RBFOX1: variants seen among roughly 807,000 people sequenced by gnomAD.
RBFOX1 encodes the protein RNA binding protein fox-1 homolog 1.
Under a neutral mutation model 57.7 loss-of-function variants are expected in RBFOX1, and 8 were observed. The ratio of observed to expected loss-of-function variants is 0.14; its 90% CI spans 0.08 to 0.25. The LOEUF (loss-of-function observed/expected upper bound fraction) is 0.25, where lower values mean the gene tolerates loss of function less well. RBFOX1 is among the 10% of genes least tolerant of loss of function. RBFOX1 has a pLI of 1.00. For missense variants in RBFOX1, 611 were observed against 548.5 expected, an observed-to-expected ratio of 1.11 and a Z score of -1.14; for synonymous variants, 326 against 222.4, an observed-to-expected ratio of 1.47 and a Z score of -4.15.
intron 3 of RBFOX1, among the ~76,000 whole-genome samples, chr16:6,997,957 G>A (rs1351183): frequency 1.4e-4 from 21 of 151,830 alleles, no homozygotes; most frequent in African/African-American, 4.6e-4. Context: ...ATTATATTTC[G>A]TAATCATTTA....
At chr16:5,903,233 C>A (rs1193044700) in intron 4 of RBFOX1, among the ~76,000 whole-genome samples, 2 of 152,150 alleles carry the variant, frequency 1.3e-5, no homozygotes, top group Non-Finnish European at 2.9e-5. Context: ...TAACACCTGC[C>A]ATAATATTCT....
chr16:7,058,578 G>T (rs1029339449), intron 4 of RBFOX1, among the ~76,000 whole-genome samples: 1 of 152,126 alleles, frequency 6.6e-6, no homozygotes, highest in African/African-American at 2.4e-5. Context: ...AAGTTTGTGT[G>T]TGTGTGTGTG....
At chr16:5,472,459 C>T (rs1296329751) in intron 2 of RBFOX1, among the ~76,000 whole-genome samples, 1 of 152,188 alleles carries the variant, frequency 6.6e-6, no homozygotes, top group African/African-American at 2.4e-5. Context: ...GGTCTCCCGG[C>T]TCAGCACAGA....
At chr16:5,393,766 G>A (rs77023514) in intron 1 of RBFOX1, among the ~76,000 whole-genome samples, 408 of 152,182 alleles carry the variant, frequency 2.7e-3, no homozygotes, top group Middle Eastern at 0.017. Context: ...CAGTTCATTG[G>A]CTATAAGTCT....
intron 4 of RBFOX1, among the ~76,000 whole-genome samples, chr16:7,434,435 G>A (rs2098706290): frequency 6.6e-6 from 1 of 151,882 alleles, no homozygotes; most frequent in African/African-American, 2.4e-5. Flanking sequence ...TAGCACCACT[G>A]CACTCCAGCC....
At chr16:7,441,959 C>T (rs1378699840) in intron 4 of RBFOX1, among the ~76,000 whole-genome samples, 6 of 152,208 alleles carry the variant, frequency 3.9e-5, no homozygotes, top group African/African-American at 9.7e-5. Context: ...TGGGGCTGCC[C>T]GTTCTTTGCT....
At chr16:6,640,735 A>G (rs2098480771) in intron 2 of RBFOX1, among the ~76,000 whole-genome samples, 2 of 152,278 alleles carry the variant, frequency 1.3e-5, no homozygotes, top group South Asian at 4.1e-4. Flanking sequence ...AAGGAATAAA[A>G]AAACTCCTTC....
intron 4 of RBFOX1, among the ~76,000 whole-genome samples, chr16:5,992,024 C>T (rs1353406805): frequency 1.3e-5 from 2 of 152,024 alleles, no homozygotes; most frequent in African/African-American, 4.8e-5. Flanking sequence ...TGTAAAAATG[C>T]ATATACATTT....
At chr16:5,707,034 C>T (rs2051276637) in intron 3 of RBFOX1, among the ~76,000 whole-genome samples, 1 of 152,164 alleles carries the variant, frequency 6.6e-6, no homozygotes, top group Non-Finnish European at 1.5e-5. Flanking sequence ...TCTCTCTCCA[C>T]CTCCAGCAGA....
At chr16:7,169,001 T>A (rs2152440806) in intron 4 of RBFOX1, among the ~76,000 whole-genome samples, 1 of 152,310 alleles carries the variant, frequency 6.6e-6, no homozygotes, top group African/African-American at 2.4e-5. Context: ...AGCAATAAAC[T>A]ATAGCACAGA....
At chr16:7,169,705 T>G (rs1294617048) in intron 4 of RBFOX1, among the ~76,000 whole-genome samples, 1 of 152,210 alleles carries the variant, frequency 6.6e-6, no homozygotes, top group Non-Finnish European at 1.5e-5. Context: ...CAAGACTATT[T>G]TGTTGCATAT....
chr16:6,867,280 G>T (rs1487489036), intron 3 of RBFOX1, among the ~76,000 whole-genome samples: 1 of 152,064 alleles, frequency 6.6e-6, no homozygotes, highest in Non-Finnish European at 1.5e-5. Context: ...AGCATGGATG[G>T]AGGAGAGATC....
At position 7,567,521 on chromosome 16, in the gene RBFOX1, ATATCCCTATGTATGGCCCTATATG is replaced by A. The variant is rs1181072365; in HGVS notation, c.271-12252_271-12229del. Among the ~76,000 whole-genome samples, 197 of 122,378 alleles carry A rather than the reference ATATCCCTATGTATGGCCCTATATG, an allele frequency of 1.6e-3. 9 individuals carry two copies. The highest frequency in any genetic ancestry group is 9.1e-3 in the Middle Eastern group (1 of 110). The allele number at this position is 122,378 out of a possible 152,430, so 80.3% of individuals were successfully genotyped here. On this transcript the variant is annotated intron_variant, in intron 5 of 15. Transcript: ENST00000550418. ...TATCCCTATGTATGGCCCTATATAT[ATATCCCTATGTATGGCCCTATATG>A]TATATCCCTATATATGGCCCTATAT...
At chr16:7,073,188 T>C (rs1391257839) in intron 4 of RBFOX1, among the ~76,000 whole-genome samples, 2 of 152,214 alleles carry the variant, frequency 1.3e-5, no homozygotes, top group Non-Finnish European at 2.9e-5. Context: ...GCTGTCTTTG[T>C]AGTCTGTGAT....
chr16:7,099,086 A>G (rs1452188840), intron 4 of RBFOX1, among the ~76,000 whole-genome samples: 5 of 152,204 alleles, frequency 3.3e-5, no homozygotes, highest in African/African-American at 9.7e-5. Flanking sequence ...AGTTATGGTG[A>G]AAGTTTATAT....
chr16:6,286,379 G>A (rs538558679), intron 1 of RBFOX1, among the ~76,000 whole-genome samples: 1 of 152,284 alleles, frequency 6.6e-6, no homozygotes, highest in South Asian at 2.1e-4. Flanking sequence ...TAAAATCACA[G>A]ATCTTGGCAT....
At chr16:6,694,138 T>G (rs1046661867) in intron 3 of RBFOX1, among the ~76,000 whole-genome samples, 1 of 152,244 alleles carries the variant, frequency 6.6e-6, no homozygotes. Context: ...TTTAACCTCA[T>G]CATGACTCTG....
intron 3 of RBFOX1, among the ~76,000 whole-genome samples, chr16:6,743,057 C>A (rs935220565): frequency 1.3e-5 from 2 of 152,036 alleles, no homozygotes; most frequent in African/African-American, 2.4e-5. Flanking sequence ...GATAGGGAAA[C>A]AATACTTCTC....
At chr16:6,656,020 G>A (rs73529838) in intron 3 of RBFOX1, among the ~76,000 whole-genome samples, 1 of 152,210 alleles carries the variant, frequency 6.6e-6, no homozygotes, top group Non-Finnish European at 1.5e-5. Context: ...CCAGCTTGCA[G>A]TTTTGTGTTG....
Sources: allele counts gnomAD v4.1 joint callset (sites outside exome capture counted in the v4.1 genomes callset), GRCh38; gene constraint gnomAD v4.1.1; transcripts MANE v1.5; gene names NCBI Gene and HGNC (gene_info 2026-07-23, HGNC 2026-07-21).